Variants in ZMYM3 observed in about 807,000 individuals in gnomAD.
ZMYM3 encodes zinc finger MYM-type containing 3, also known as zinc finger MYM-type protein 3.
Under a neutral mutation model 94.2 loss-of-function variants are expected in ZMYM3, and 6 were observed. That is an observed-to-expected ratio of 0.06 (90% confidence interval 0.03 to 0.13). The LOEUF (loss-of-function observed/expected upper bound fraction) is 0.13. ZMYM3 is among the 10% of genes least tolerant of loss of function. The pLI is 1.00. For synonymous variants in ZMYM3, 420 were observed against 426.5 expected (o/e 0.98, Z 0.19); for missense variants, 664 against 1,132.6 (o/e 0.59, Z 5.94).
rs915550374 is a variant in ZMYM3 at position 71,242,073 on chromosome X, G to C, written c.3802+97C>G. 32 of 1,091,524 alleles carry C rather than the reference G, an allele frequency of 2.9e-5. No individual in the cohort carries two copies. In the Admixed American group the frequency reaches 8.7e-4, roughly 30 times the overall value. 90.0% of individuals were successfully genotyped at this position (1,091,524 alleles called of 1,213,427 possible). A position where few individuals can be genotyped will look rare whatever the true frequency, so the allele number is the denominator to read the frequency against. ...CAGGAGAGGGAAGCTAGGCGCCAAG[G>C]AGAGGGCCGACCTGGCAGGTATGGT... On this transcript the variant is annotated intron_variant, in intron 23 of 24. Transcript: ENST00000314425.
chrX:71,253,339 G>A, intron 1 of ZMYM3, 65 bp from the exon 2 acceptor site: 3 of 892,202 alleles, frequency 3.4e-6, no homozygotes, highest in Non-Finnish European at 4.5e-6. Context: ...TTCTTATATA[G>A]GCTCTGAGAC....
chrX:71,252,462 C>G, intron 2 of ZMYM3, 127 bp downstream of exon 2: 1 of 650,589 alleles, frequency 1.5e-6, no homozygotes, highest in Non-Finnish European at 2.1e-6. Flanking sequence ...CCAAGTCCTT[C>G]CCCACACACA....
chrX:71,251,001 T>G (rs1238135094), intron 4 of ZMYM3, among the ~76,000 whole-genome samples, 177 bp downstream of exon 4: 1 of 110,936 alleles, frequency 9.0e-6, no homozygotes, highest in Non-Finnish European at 1.9e-5. Flanking sequence ...CTGCTCTTGT[T>G]TTCAATTTCC....
chrX:71,246,393 G>A lies in ZMYM3; in HGVS notation c.2532C>T (p.Val844=). Residue 844 remains valine, a synonymous_variant, in exon 15 of 25, where the codon GTC becomes GTT. Transcript: ENST00000314425. ...TGGACTTCATCTCCACCTTGCAGGA[G>A]ACGCCCCGATTCTGCATCAGTGGCT... ...MCKPLMQNRG[V]SCKVEMKSKG... 9.0e-7 allele frequency: 1 copy of A among 1,108,859 alleles called. No individual in the cohort carries two copies. The highest frequency in any genetic ancestry group is 1.2e-6 in the Non-Finnish European group (1 of 834,308). The allele number at this position is 1,108,859 out of a possible 1,213,427, so 91.4% of individuals were successfully genotyped here.
chrX:71,253,314 C>G (rs2030591342), intron 1 of ZMYM3, 40 bp from the exon 2 acceptor site: 1 of 1,044,355 alleles, frequency 9.6e-7, no homozygotes, highest in African/African-American at 1.9e-5. Context: ...TAGAGGTGGT[C>G]TTAGCCTGAA....
At chrX:71,246,799 G>T in intron 13 of ZMYM3, 107 bp from the exon 14 acceptor site, 1 of 757,558 alleles carries the variant, frequency 1.3e-6, no homozygotes, top group Non-Finnish European at 1.9e-6. Context: ...ATACAGATGG[G>T]AACTTCTAGG....
intron 21 of ZMYM3, 80 bp from the exon 22 acceptor site, chrX:71,243,164 A>G: frequency 1.2e-6 from 1 of 841,965 alleles, no homozygotes; most frequent in Non-Finnish European, 1.7e-6. Context: ...GCCCCCAGGT[A>G]TGGTGTCCTT....
In ZMYM3 at chrX:71,245,774, C is replaced by T. The variant is rs1225866575; in HGVS notation, c.2754G>A (p.Glu918=). Residue 918 remains glutamate, a synonymous_variant, in exon 17 of 25, where the codon GAG becomes GAA. Transcript: ENST00000314425. ...GGTTGGAAGGGATCTTCACCTTCAG[C>T]TCCTCAATGGTCTCTACAATCTTGT... The part of the protein sequence containing the change: ...STDKIVETIE[E]LKVKIPSNPL... 1 of 1,211,875 alleles carries T rather than the reference C, an allele frequency of 8.3e-7. No homozygotes were observed. The highest frequency in any genetic ancestry group is 1.8e-5 in the South Asian group (1 of 56,991).
rs765041556 is a variant in ZMYM3 at position 71,250,033 on chromosome X, G to A, written c.1244C>T (p.Thr415Ile). Residue 415 changes from threonine (T) to isoleucine (I), a missense_variant, in exon 6 of 25, where the codon ACT (threonine) becomes ATT (isoleucine). Thr to Ile is a moderately conservative substitution (Grantham distance 89). This residue lies in a region of ZMYM3 where 159 missense variants were observed against 313.0 expected (regional missense o/e 0.51). Coordinates refer to ENST00000314425, the MANE Select transcript of ZMYM3 (RefSeq NM_201599.3). Reference protein sequence around the residue: ...DATRCSICQKTGEVLHEVSNG... With the variant: ...DATRCSICQKIGEVLHEVSNG... ...CCCACTGAGTGTCCTCACCTCTCCAGTCTTCTGGCATATGCTGCAGCGAGT... is the reference window on the plus strand; with the variant it reads ...CCCACTGAGTGTCCTCACCTCTCCAATCTTCTGGCATATGCTGCAGCGAGT... 12 of 1,174,458 alleles carry A rather than the reference G, an allele frequency of 1.0e-5. No homozygotes were observed. Among genetic ancestry groups the A allele is most frequent in the South Asian group, 4.0e-5 (2 of 50,133 alleles).
intron 21 of ZMYM3, 33 bp from the exon 22 acceptor site, chrX:71,243,117 A>G (rs749425673): frequency 2.8e-6 from 3 of 1,084,655 alleles, no homozygotes; most frequent in Admixed American, 2.2e-5. Flanking sequence ...ACCTAAGGCT[A>G]GACTGTAGGT....
chrX:71,246,553 C>A, intron 14 of ZMYM3, 41 bp from the exon 15 acceptor site: 1 of 1,205,155 alleles, frequency 8.3e-7, no homozygotes, highest in Non-Finnish European at 1.1e-6. Context: ...AACCGCCGTA[C>A]CCTCCTCTGA....
upstream of ZMYM3, chrX:71,254,225 G>A (rs1274976483): frequency 4.4e-5 from 5 of 112,787 alleles, no homozygotes; most frequent in Non-Finnish European, 9.4e-5. Context: ...GCTGGCTCGA[G>A]GAGGGGGCTC....
chrX:71,245,290 T>C (rs371224769), intron 18 of ZMYM3, 49 bp downstream of exon 18: 1 of 1,191,867 alleles, frequency 8.4e-7, no homozygotes, highest in African/African-American at 1.8e-5. Flanking sequence ...CCCTTCCTGA[T>C]GGCACAAATG....
chrX:71,243,537 G>T, intron 21 of ZMYM3: 1 of 333,487 alleles, frequency 3.0e-6, no homozygotes. Context: ...TTTGGAGTAG[G>T]AGATTAAAGG....
In ZMYM3 at chrX:71,250,065, G is replaced by A. The variant is rs371734328; in HGVS notation, c.1212C>T (p.Ala404=). 9.9e-5 allele frequency: 119 copies of A among 1,197,156 alleles called. No individual in the cohort carries two copies. The highest frequency in any genetic ancestry group is 1.1e-4 in the Non-Finnish European group (102 of 889,593). The change falls in exon 6 of 25, where the codon GCC becomes GCT. Residue 404 remains alanine (A), a synonymous_variant. Transcript: ENST00000314425. ...QRPIPQSGDP[A]DATRCSICQK... is the part of the protein sequence containing the mutation. ...GGCATATGCTGCAGCGAGTAGCGTCGGCGGGATCCCCAGACTGGGGGATCG... is the reference window on the plus strand; with the variant it reads ...GGCATATGCTGCAGCGAGTAGCGTCAGCGGGATCCCCAGACTGGGGGATCG...
intron 22 of ZMYM3, among the ~76,000 whole-genome samples, 197 bp from the exon 23 acceptor site, chrX:71,242,621 C>T (rs753322251): frequency 8.9e-6 from 1 of 112,280 alleles, no homozygotes; most frequent in Non-Finnish European, 1.9e-5. Flanking sequence ...ATACTTTCCA[C>T]ACCTGCATTT....
At chrX:71,250,330 C>T (rs1453636400) in intron 5 of ZMYM3, 102 bp downstream of exon 5, 13 of 1,095,080 alleles carry the variant, frequency 1.2e-5, no homozygotes, top group South Asian at 2.3e-5. Context: ...ATCACTCTCT[C>T]GCCCAGCTCC....
At chrX:71,245,931 G>A (rs2030150487) in intron 16 of ZMYM3, 55 bp downstream of exon 16, 1 of 1,191,268 alleles carries the variant, frequency 8.4e-7, no homozygotes, top group Admixed American at 2.2e-5. Context: ...AAGGGGGACA[G>A]TTGATGAGAG....
intron 6 of ZMYM3, 108 bp from the exon 7 acceptor site, chrX:71,249,787 C>A (rs941164786): frequency 5.4e-6 from 6 of 1,109,858 alleles, no homozygotes; most frequent in South Asian, 2.2e-5. Context: ...AGACAGTGGG[C>A]CCAGGGACCC....
Sources: allele counts gnomAD v4.1 joint callset (sites outside exome capture counted in the v4.1 genomes callset), GRCh38; gene constraint gnomAD v4.1.1; regional missense constraint gnomAD v4.1.1; transcripts MANE v1.5; gene names NCBI Gene and HGNC (gene_info 2026-07-23, HGNC 2026-07-21).